The following NUP155 variants were observed in gnomAD, a reference collection of about 807,000 sequenced individuals.
NUP155 encodes the protein nucleoporin 155.
Under a neutral mutation model 180.4 loss-of-function variants are expected in NUP155, and 71 were observed. The observed-to-expected ratio is 0.39, with a 90% CI of 0.33 to 0.48. NUP155 has a LOEUF of 0.48. Ranked by LOEUF, NUP155 falls within the 20% of genes least tolerant of loss-of-function variation. The probability of loss-of-function intolerance (pLI) is 0.91; values close to 1 mark genes in which losing one functional copy is unlikely to be tolerated. For synonymous variants in NUP155, 582 were observed against 559.5 expected, an observed-to-expected ratio of 1.04 and a Z score of -0.57; for missense variants, 1,553 against 1,648.9, an observed-to-expected ratio of 0.94 and a Z score of 1.01.
intron 32 of NUP155, among the ~76,000 whole-genome samples, chr5:37,296,033 G>T (rs1364725034): frequency 7.4e-6 from 1 of 135,236 alleles, no homozygotes; most frequent in East Asian, 2.3e-4. Flanking sequence ...CCGGCCAGCC[G>T]CCCTGTCCGG....
At chr5:37,354,436 C>A (rs1378740314) in intron 4 of NUP155, among the ~76,000 whole-genome samples, 2 of 147,010 alleles carry the variant, frequency 1.4e-5, no homozygotes, top group African/African-American at 5.0e-5. Context: ...TGAACCAACG[C>A]ACCCAGTGTC....
intron 12 of NUP155, among the ~76,000 whole-genome samples, chr5:37,337,302 G>T (rs1297457306): frequency 1.3e-5 from 2 of 151,998 alleles, no homozygotes; most frequent in African/African-American, 4.8e-5. Context: ...AATACAATAA[G>T]AAAGATGTTG....
chr5:37,312,621 G>C (rs1024764821), intron 22 of NUP155, among the ~76,000 whole-genome samples: 20 of 152,142 alleles, frequency 1.3e-4, no homozygotes, highest in Non-Finnish European at 2.9e-4. Context: ...AGTTAATATT[G>C]GTAACTATCC....
chr5:37,296,818 C>T (rs919650467), intron 32 of NUP155, among the ~76,000 whole-genome samples: 1 of 152,136 alleles, frequency 6.6e-6, no homozygotes, highest in Non-Finnish European at 1.5e-5. Flanking sequence ...ATTTATTTGA[C>T]AGTTCTAACT....
intron 20 of NUP155, among the ~76,000 whole-genome samples, chr5:37,320,598 C>T (rs894594537): frequency 2.6e-5 from 4 of 152,086 alleles, no homozygotes; most frequent in African/African-American, 7.2e-5. Context: ...GACAGAACTG[C>T]TTCTGTGACA....
At chr5:37,364,800 C>T (rs955146671) in intron 1 of NUP155, among the ~76,000 whole-genome samples, 1 of 151,744 alleles carries the variant, frequency 6.6e-6, no homozygotes, top group Non-Finnish European at 1.5e-5. Context: ...CCACACCCGG[C>T]TAATTTTTTG....
intron 4 of NUP155, among the ~76,000 whole-genome samples, chr5:37,355,938 T>C (rs1301179599): frequency 1.3e-5 from 2 of 151,912 alleles, no homozygotes; most frequent in Non-Finnish European, 2.9e-5. Flanking sequence ...GATAAGAGAT[T>C]TGGCATTATG....
intron 32 of NUP155, among the ~76,000 whole-genome samples, chr5:37,296,662 C>G (rs1042428346): frequency 6.7e-6 from 1 of 149,948 alleles, no homozygotes; most frequent in Non-Finnish European, 1.5e-5. Flanking sequence ...TCCCCCTCTG[C>G]GAGAAACACC....
rs1161903013 is a variant in NUP155, at chr5:37,331,673, A to AATT, written c.1629+11_1629+12insAAT. The stretch of plus-strand genomic sequence containing the variant: ...AAATAGCATCACATTTTTTAAAAGT[A>AATT]TATATAATTACCTGATGTAATTTAA... On this transcript the variant is annotated intron_variant, in intron 14 of 34. Coordinates refer to ENST00000231498, the MANE Select transcript of NUP155 (RefSeq NM_153485.3). The AATT allele has an allele frequency of 6.9e-7, 1 of 1,450,938 alleles. No homozygotes were observed. Among genetic ancestry groups the AATT allele is most frequent in the African/African-American group, 1.4e-5 (1 of 71,860 alleles). 89.9% of individuals were successfully genotyped at this position (1,450,938 alleles called of 1,614,324 possible).
intron 10 of NUP155, 52 bp downstream of exon 10, chr5:37,342,497 A>G (rs1262149702): frequency 5.3e-6 from 6 of 1,130,020 alleles, no homozygotes; most frequent in African/African-American, 1.5e-5. Context: ...CAAATCTAAG[A>G]ATTTTCAGAA....
At chr5:37,312,726 G>A (rs1743604267) in intron 22 of NUP155, among the ~76,000 whole-genome samples, 1 of 152,152 alleles carries the variant, frequency 6.6e-6, no homozygotes, top group African/African-American at 2.4e-5. Context: ...CTACTCGGGA[G>A]GCTAAAGTAG....
At position 37,350,254 on chromosome 5, in the gene NUP155, C is replaced by T; in HGVS notation, c.735G>A (p.Gly245=). 1 of 1,612,908 alleles carries T rather than the reference C, an allele frequency of 6.2e-7. No homozygotes were observed. The highest frequency in any genetic ancestry group is 8.5e-7 in the Non-Finnish European group (1 of 1,179,046). ...LYEVAYQAEA[G]WFSQRCRKIN... is the part of the protein sequence containing the mutation. Reference sequence around the variant, plus strand: ...TTTTCCTACATCTTTGGCTAAACCACCCTGCTTCAGCCTTAAAGAAAAAAG... The same window carrying T: ...TTTTCCTACATCTTTGGCTAAACCATCCTGCTTCAGCCTTAAAGAAAAAAG... Residue 245 remains glycine (G), a synonymous_variant, in exon 7 of 35, where the codon GGG becomes GGA. Coordinates refer to ENST00000231498, the MANE Select transcript of NUP155 (RefSeq NM_153485.3).
intron 1 of NUP155, among the ~76,000 whole-genome samples, chr5:37,365,713 G>A (rs387501): frequency 0.66 from 14,652 of 22,220 alleles, 4,792 homozygotes; most frequent in East Asian, 0.71. Context: ...GTCTCGGGGA[G>A]AAAAAAAAAA....
In NUP155 at chr5:37,371,063, CCGCCTAGGGCGCGCGCGCCAAACGAG is replaced by C. The variant is rs1323280756; in HGVS notation, c.-112_-87del. ...GATCCAAGAAGTTAGCTTAGATCCG[CCGCCTAGGGCGCGCGCGCCAAACGAG>C]CGCCTTGGCGCCTCGACATGACGCA... On this transcript the variant is annotated 5_prime_UTR_variant, in exon 1 of 35. Transcript: ENST00000231498. The C allele has an allele frequency of 9.0e-6, 13 of 1,440,862 alleles. No homozygotes were observed. Among genetic ancestry groups the C allele is most frequent in the African/African-American group, 1.4e-5 (1 of 70,926 alleles). 89.3% of individuals were successfully genotyped at this position (1,440,862 alleles called of 1,614,324 possible). A position where few individuals can be genotyped will look rare whatever the true frequency, so the allele number is the denominator to read the frequency against.
rs775784050 is a variant in NUP155, at chr5:37,331,802, A to C, written c.1519-7T>G. On this transcript the variant is annotated splice_polypyrimidine_tract_variant and splice_region_variant and intron_variant, in intron 13 of 34. Coordinates refer to ENST00000231498, the MANE Select transcript of NUP155 (RefSeq NM_153485.3). ...TATGAAACATAAGGCTCCCCTAAGAAATTTGAAGAAAGAACATGAACAAGA... is the reference window on the plus strand; with the variant it reads ...TATGAAACATAAGGCTCCCCTAAGACATTTGAAGAAAGAACATGAACAAGA... 44 of 1,545,372 alleles carry C rather than the reference A, an allele frequency of 2.8e-5. No individual in the cohort carries two copies. The highest frequency in any genetic ancestry group is 3.9e-5 in the Non-Finnish European group (44 of 1,120,576).
intron 1 of NUP155, among the ~76,000 whole-genome samples, chr5:37,364,738 G>A (rs1446410760): frequency 6.6e-6 from 1 of 151,290 alleles, no homozygotes; most frequent in South Asian, 2.1e-4. Context: ...CCGGGTTCAC[G>A]CCATTCTCCT....
chr5:37,337,342 T>C lies in NUP155; in HGVS notation c.1347+476A>G, dbSNP rs145759432. Among the ~76,000 whole-genome samples the C allele has an allele frequency of 1.3e-3, 196 of 152,214 alleles. 1 individual carries two copies. The highest frequency in any genetic ancestry group is 4.5e-3 in the African/African-American group (187 of 41,534). ...CTCAATTCTCTTACGTGAGGTTCAA[T>C]TGACTCTTCAAACTTTATGTTTGAA... On this transcript the variant is annotated intron_variant, in intron 12 of 34. Transcript: ENST00000231498.
intron 18 of NUP155, 117 bp downstream of exon 18, chr5:37,327,512 G>A: frequency 9.2e-7 from 1 of 1,084,366 alleles, no homozygotes; most frequent in South Asian, 1.4e-5. Context: ...ATCAACAAGT[G>A]AGCTAAAACT....
At chr5:37,347,343 C>T (rs1746160939) in intron 9 of NUP155, among the ~76,000 whole-genome samples, 2 of 152,108 alleles carry the variant, frequency 1.3e-5, no homozygotes, top group African/African-American at 2.4e-5. Flanking sequence ...ACACGTCAAG[C>T]TGTACTTTAC....
Sources: allele counts gnomAD v4.1 joint callset (sites outside exome capture counted in the v4.1 genomes callset), GRCh38; gene constraint gnomAD v4.1.1; transcripts MANE v1.5; gene names NCBI Gene and HGNC (gene_info 2026-07-23, HGNC 2026-07-21).